Variants in FRMPD1 observed in about 807,000 individuals in gnomAD.
FRMPD1 encodes FERM and PDZ domain containing 1.
A neutral mutation model predicts 117.8 loss-of-function variants in FRMPD1; 76 were observed. That is an observed-to-expected ratio of 0.65 (90% CI 0.54 to 0.78). The LOEUF (loss-of-function observed/expected upper bound fraction) is 0.78. Among genes scored for constraint, FRMPD1 ranks in the 30% least tolerant of loss-of-function variants. The pLI is 0.00. For missense variants in FRMPD1, 1,786 were observed against 1,964.5 expected (o/e 0.91, Z 1.72); for synonymous variants, 783 against 770.4 (o/e 1.02, Z -0.27).
At chr9:37,628,061 C>G in the FRMPD1 span, among the ~76,000 whole-genome samples, 1 of 152,216 alleles carries the variant, frequency 6.6e-6, no homozygotes, top group African/African-American at 2.4e-5. Context: ...CCAGTACTGG[C>G]AGACCCCAGT....
intron 2 of FRMPD1, among the ~76,000 whole-genome samples, chr9:37,697,108 G>A (rs1822347470): frequency 6.6e-6 from 1 of 152,106 alleles, no homozygotes; most frequent in Non-Finnish European, 1.5e-5. Flanking sequence ...GGTGGTTATT[G>A]TTACAATCAT....
chr9:37,623,928 C>T, the FRMPD1 span, among the ~76,000 whole-genome samples: 1 of 152,126 alleles, frequency 6.6e-6, no homozygotes, highest in Non-Finnish European at 1.5e-5. Context: ...CACTACGTTC[C>T]TCGGGGTATT....
the FRMPD1 span, chr9:37,636,698 C>T: frequency 6.4e-7 from 1 of 1,559,840 alleles, no homozygotes; most frequent in Non-Finnish European, 8.6e-7. Flanking sequence ...CTAGCAACAA[C>T]CACCGCCAGC....
chr9:37,619,593 A>G, the FRMPD1 span, among the ~76,000 whole-genome samples: 3 of 152,158 alleles, frequency 2.0e-5, no homozygotes, highest in South Asian at 6.2e-4. Flanking sequence ...CCCCATCTCT[A>G]CTAAAAGTAC....
At chr9:37,736,403 C>T (rs1043908801) in intron 13 of FRMPD1, among the ~76,000 whole-genome samples, 3 of 151,362 alleles carry the variant, frequency 2.0e-5, no homozygotes, top group Non-Finnish European at 4.4e-5. Context: ...TGGTGGCTCA[C>T]GCTTGTAATC....
chr9:37,746,355 G>C lies in FRMPD1; in HGVS notation c.4323G>C (p.Gly1441=). The C allele has an allele frequency of 6.2e-7, 1 of 1,612,562 alleles. No individual in the cohort carries two copies. The highest frequency in any genetic ancestry group is 1.3e-5 in the African/African-American group (1 of 75,028). ...AAGACATTTTAGAAACTTCCTGGGG[G>C]GTTGGAAACAAACATCCCCCAGAGA... is the stretch of plus-strand genomic sequence containing the variant. ...ELQDILETSW[G]VGNKHPPEKC... Residue 1441 remains glycine, a synonymous_variant, in exon 16 of 16, where the codon GGG becomes GGC. Coordinates refer to ENST00000377765, the MANE Select transcript of FRMPD1 (RefSeq NM_014907.3).
rs147765962 is a variant in FRMPD1 at position 37,746,202 on chromosome 9, C to T, written c.4170C>T (p.Thr1390=). Residue 1390 remains threonine, a synonymous_variant, in exon 16 of 16, where the codon ACC becomes ACT. Coordinates refer to ENST00000377765, the MANE Select transcript of FRMPD1 (RefSeq NM_014907.3). ...WRPARAHSCT[T]APLSRKSHIW... Reference sequence around the variant, plus strand: ...CTGCCCGAGCCCACAGCTGCACCACCGCACCCCTGTCGAGGAAAAGCCACA... The same window carrying T: ...CTGCCCGAGCCCACAGCTGCACCACTGCACCCCTGTCGAGGAAAAGCCACA... The T allele has an allele frequency of 2.1e-5, 34 of 1,612,854 alleles. No homozygotes were observed. Among genetic ancestry groups the T allele is most frequent in the Middle Eastern group, 3.3e-4 (2 of 6,084 alleles).
chr9:37,636,650 G>A, the FRMPD1 span: 1 of 1,395,492 alleles, frequency 7.2e-7, no homozygotes, highest in South Asian at 1.5e-5. Flanking sequence ...ACATCATTTG[G>A]AGAAGGTGCC....
intron 1 of FRMPD1, among the ~76,000 whole-genome samples, chr9:37,681,794 G>A (rs1280565564): frequency 1.3e-5 from 2 of 152,186 alleles, no homozygotes; most frequent in African/African-American, 4.8e-5. Context: ...GGCTCTGCAA[G>A]GATTGTAAAG....
At chr9:37,744,308 A>G in intron 15 of FRMPD1, 81 bp from the exon 16 acceptor site, 5 of 1,037,678 alleles carry the variant, frequency 4.8e-6, no homozygotes, top group Non-Finnish European at 7.1e-6. Flanking sequence ...TAAACCCAGG[A>G]AAGCCCAAGG....
chr9:37,637,963 GCTTTCTTTCTTTCTTT>G, the FRMPD1 span, among the ~76,000 whole-genome samples: 1,858 of 100,082 alleles, frequency 0.019, 204 homozygotes, highest in Middle Eastern at 0.036. Context: ...AATGGTGTAT[GCTTTCTTTCTTTCTTT>G]CTTTCTTTCT....
At chr9:37,687,702 T>A (rs1173511025) in intron 1 of FRMPD1, among the ~76,000 whole-genome samples, 2 of 152,218 alleles carry the variant, frequency 1.3e-5, no homozygotes, top group African/African-American at 4.8e-5. Flanking sequence ...TAATCCTTAT[T>A]ATAAAAGAGC....
intron 6 of FRMPD1, among the ~76,000 whole-genome samples, chr9:37,720,114 T>C (rs1823328126): frequency 6.6e-6 from 1 of 152,194 alleles, no homozygotes; most frequent in Non-Finnish European, 1.5e-5. Context: ...GCCCTTATTT[T>C]CTACCTGCCC....
the FRMPD1 span, among the ~76,000 whole-genome samples, chr9:37,606,010 C>T: frequency 8.5e-5 from 13 of 152,202 alleles, no homozygotes; most frequent in East Asian, 5.8e-4. Context: ...CTCAGCCTTA[C>T]GGAAGTTTAA....
At chr9:37,672,286 C>T (rs1332931427) in intron 1 of FRMPD1, among the ~76,000 whole-genome samples, 1 of 152,178 alleles carries the variant, frequency 6.6e-6, no homozygotes, top group Non-Finnish European at 1.5e-5. Flanking sequence ...TGAAACAGCA[C>T]ATGCAGAGGC....
the FRMPD1 span, among the ~76,000 whole-genome samples, chr9:37,612,422 C>G: frequency 6.6e-6 from 1 of 152,108 alleles, no homozygotes; most frequent in Non-Finnish European, 1.5e-5. Flanking sequence ...GATCTCGGCT[C>G]ACTGCAACCT....
the FRMPD1 span, among the ~76,000 whole-genome samples, chr9:37,633,202 G>T: frequency 2.0e-5 from 3 of 151,844 alleles, no homozygotes; most frequent in South Asian, 6.3e-4. Flanking sequence ...ACCACACCTG[G>T]CTAATTTTCA....
At chr9:37,661,162 A>G (rs1005138622) in intron 1 of FRMPD1, among the ~76,000 whole-genome samples, 2 of 152,146 alleles carry the variant, frequency 1.3e-5, no homozygotes, top group African/African-American at 4.8e-5. Flanking sequence ...GTTCTGTGAC[A>G]TGGCCAGACT....
chr9:37,694,225 A>G (rs75133957), intron 2 of FRMPD1, among the ~76,000 whole-genome samples: 109 of 152,302 alleles, frequency 7.2e-4, no homozygotes, highest in Middle Eastern at 3.4e-3. Context: ...GTGGCCATAC[A>G]TGTTTGGGAA....
Sources: allele counts gnomAD v4.1 joint callset (sites outside exome capture counted in the v4.1 genomes callset), GRCh38; gene constraint gnomAD v4.1.1; transcripts MANE v1.5; gene names NCBI Gene and HGNC (gene_info 2026-07-23, HGNC 2026-07-21).